The following SGCG variants were observed in gnomAD, a reference collection of about 807,000 sequenced individuals.
SGCG encodes the protein sarcoglycan gamma.
SGCG carries 26 observed loss-of-function variants against 29.3 expected under a neutral mutation model. The observed-to-expected ratio is 0.89, with a 90% confidence interval of 0.65 to 1.23. The LOEUF (loss-of-function observed/expected upper bound fraction) is 1.23, where lower values mean the gene tolerates loss of function less well. Among genes scored for constraint, SGCG ranks in the 50% most tolerant of loss-of-function variants. The pLI is 0.00. For synonymous variants in SGCG, 145 were observed against 129.7 expected, an observed-to-expected ratio of 1.12 and a Z score of -0.80; for missense variants, 353 against 356.0, an observed-to-expected ratio of 0.99 and a Z score of 0.07.
chr13:23,282,554 C>T (rs1379744949), intron 5 of SGCG, among the ~76,000 whole-genome samples: 1 of 152,170 alleles, frequency 6.6e-6, no homozygotes, highest in African/African-American at 2.4e-5. Flanking sequence ...CATCGTTTAG[C>T]TCCCACTTAT....
chr13:23,198,647 G>C (rs9580569), intron 1 of SGCG, among the ~76,000 whole-genome samples: 34,212 of 151,744 alleles, frequency 0.23, 4,137 homozygotes, highest in East Asian at 0.35. Flanking sequence ...GAGATCAAGA[G>C]CATCCTGGCT....
chr13:23,220,951 A>G (rs1662196531), intron 2 of SGCG, among the ~76,000 whole-genome samples: 1 of 152,230 alleles, frequency 6.6e-6, no homozygotes, highest in Non-Finnish European at 1.5e-5. Context: ...ATGAGCAACC[A>G]GGATCACTGT....
chr13:23,307,509 T>C (rs571906513), intron 6 of SGCG, among the ~76,000 whole-genome samples: 184 of 152,334 alleles, frequency 1.2e-3, no homozygotes, highest in African/African-American at 4.3e-3. Flanking sequence ...TTTGGATTAC[T>C]GTGGGATGGT....
intron 2 of SGCG, among the ~76,000 whole-genome samples, chr13:23,233,302 A>G (rs1007752075): frequency 5.9e-5 from 9 of 152,240 alleles, no homozygotes; most frequent in African/African-American, 1.7e-4. Context: ...GCTAAGTGAA[A>G]TAAGTCAGCC....
At chr13:23,176,147 C>T (rs1332473083), upstream of SGCG, among the ~76,000 whole-genome samples, 1 of 152,076 alleles carries the variant, frequency 6.6e-6, no homozygotes, top group Non-Finnish European at 1.5e-5. Flanking sequence ...GTTATACTGA[C>T]CTCTTCTGGA....
chr13:23,207,003 C>G (rs1878004542), intron 2 of SGCG, among the ~76,000 whole-genome samples: 1 of 151,956 alleles, frequency 6.6e-6, no homozygotes, highest in Non-Finnish European at 1.5e-5. Context: ...AGACCTGAAA[C>G]AGCCAAATCA....
intron 4 of SGCG, among the ~76,000 whole-genome samples, chr13:23,270,654 T>A (rs1225205684): frequency 6.6e-6 from 1 of 152,214 alleles, no homozygotes; most frequent in Non-Finnish European, 1.5e-5. Flanking sequence ...TCAGGTATTT[T>A]AAATCATGTA....
intron 6 of SGCG, among the ~76,000 whole-genome samples, chr13:23,310,700 G>C (rs1437645705): frequency 6.7e-6 from 1 of 148,566 alleles, no homozygotes; most frequent in Non-Finnish European, 1.5e-5. Flanking sequence ...TTCTTTTTTT[G>C]TTGGATTAAT....
intron 1 of SGCG, among the ~76,000 whole-genome samples, chr13:23,185,539 G>T (rs986792581): frequency 5.3e-5 from 8 of 152,166 alleles, no homozygotes; most frequent in Admixed American, 3.3e-4. Flanking sequence ...GCTTCGACAG[G>T]TTCCCTGGGA....
At chr13:23,300,809 TAAAAAAAAAA>T (rs58050317) in intron 6 of SGCG, among the ~76,000 whole-genome samples, 1 of 122,490 alleles carries the variant, frequency 8.2e-6, no homozygotes, top group Non-Finnish European at 1.6e-5. Context: ...ACTAGTTTAC[TAAAAAAAAAA>T]AAAAAAAAAA....
At chr13:23,205,187 C>T (rs1405521376) in intron 2 of SGCG, among the ~76,000 whole-genome samples, 1 of 152,124 alleles carries the variant, frequency 6.6e-6, no homozygotes, top group Non-Finnish European at 1.5e-5. Context: ...TCTACAGCAT[C>T]ACAATAGTAC....
chr13:23,215,421 T>C (rs180945233), intron 2 of SGCG, among the ~76,000 whole-genome samples: 5 of 152,336 alleles, frequency 3.3e-5, no homozygotes, highest in Admixed American at 3.3e-4. Flanking sequence ...TTTGAGATAC[T>C]GTAAAAATAG....
At chr13:23,219,051 T>G (rs1225367893) in intron 2 of SGCG, among the ~76,000 whole-genome samples, 4 of 143,738 alleles carry the variant, frequency 2.8e-5, no homozygotes, top group Non-Finnish European at 6.1e-5. Flanking sequence ...TTTTTATGGG[T>G]TGTTTTTTTT....
intron 6 of SGCG, among the ~76,000 whole-genome samples, chr13:23,310,604 T>C (rs1227719417): frequency 6.6e-6 from 1 of 152,188 alleles, no homozygotes; most frequent in Non-Finnish European, 1.5e-5. Context: ...AGCCCATTTA[T>C]ATTTATTATG....
chr13:23,208,230 A>G (rs1878054771), intron 2 of SGCG, among the ~76,000 whole-genome samples: 1 of 152,146 alleles, frequency 6.6e-6, no homozygotes, highest in African/African-American at 2.4e-5. Context: ...AGGGAAAACC[A>G]TAATTTTTCA....
chr13:23,194,357 C>T (rs185968427), intron 1 of SGCG, among the ~76,000 whole-genome samples: 7 of 152,226 alleles, frequency 4.6e-5, no homozygotes, highest in Admixed American at 2.0e-4. Flanking sequence ...GTTTCGGGTG[C>T]AAGTGACGGA....
chr13:23,205,058 TATATG>T (rs1467267740), intron 2 of SGCG, among the ~76,000 whole-genome samples: 1 of 152,016 alleles, frequency 6.6e-6, no homozygotes, highest in Non-Finnish European at 1.5e-5. Flanking sequence ...TCAATATAGA[TATATG>T]ATATAAGCTG....
In SGCG at chr13:23,321,771, T is replaced by C. The variant is rs138598416; in HGVS notation, c.702+1011T>C. ...CAAAGTTGACAGCAGATAACTAAAA[T>C]CAAAACTAAAACCAAAGAAAGTGAA... On this transcript the variant is annotated intron_variant, in intron 7 of 7. Transcript: ENST00000218867. 4.7e-3 allele frequency among the ~76,000 whole-genome samples: 714 copies of C among 152,074 alleles called. 7 individuals are homozygous for C. Among genetic ancestry groups the C allele is most frequent in the Middle Eastern group, 0.034 (10 of 294 alleles).
intron 1 of SGCG, among the ~76,000 whole-genome samples, chr13:23,201,667 T>G (rs1877773208): frequency 6.6e-6 from 1 of 152,208 alleles, no homozygotes; most frequent in African/African-American, 2.4e-5. Context: ...GATAAAATTG[T>G]GTTAAGCCAC....
Sources: allele counts gnomAD v4.1 joint callset (sites outside exome capture counted in the v4.1 genomes callset), GRCh38; gene constraint gnomAD v4.1.1; transcripts MANE v1.5; gene names NCBI Gene and HGNC (gene_info 2026-07-23, HGNC 2026-07-21).